The following RNF150 variants were observed in gnomAD, a reference collection of about 807,000 sequenced individuals.
RNF150 encodes ring finger protein 150.
RNF150 carries 24 observed loss-of-function variants against 39.3 expected under a neutral mutation model. That is an observed-to-expected ratio of 0.61 (90% confidence interval 0.44 to 0.86). The LOEUF (loss-of-function observed/expected upper bound fraction) is 0.86, where lower values mean the gene tolerates loss of function less well. RNF150 is among the 40% of genes least tolerant of loss of function. The pLI is 0.00. For missense variants in RNF150, 502 were observed against 587.8 expected (o/e 0.85, Z 1.51); for synonymous variants, 255 against 227.3 (o/e 1.12, Z -1.10).
intron 5 of RNF150, among the ~76,000 whole-genome samples, chr4:140,919,467 T>A (rs1731007184): frequency 6.8e-6 from 1 of 146,732 alleles, no homozygotes; most frequent in Admixed American, 6.9e-5. Flanking sequence ...TACCTAGGAA[T>A]CCAACTTACA....
chr4:141,023,224 A>AGATGAT (rs34239783), intron 1 of RNF150, among the ~76,000 whole-genome samples: 59 of 150,490 alleles, frequency 3.9e-4, no homozygotes, highest in Middle Eastern at 3.4e-3. Context: ...GAAACTGGTG[A>AGATGAT]GATGATGATG....
intron 1 of RNF150, among the ~76,000 whole-genome samples, chr4:141,185,015 T>TTC (rs1727979857): frequency 1.3e-5 from 2 of 151,564 alleles, no homozygotes; most frequent in Non-Finnish European, 2.9e-5. Flanking sequence ...CAGGCTCATT[T>TTC]TTTTTTGTTT....
At chr4:140,985,843 A>C (rs1193934289) in intron 1 of RNF150, among the ~76,000 whole-genome samples, 2 of 152,098 alleles carry the variant, frequency 1.3e-5, no homozygotes, top group African/African-American at 4.8e-5. Context: ...CCACCTAAAA[A>C]TTTAAAATTA....
chr4:141,194,577 T>C (rs1018284789), intron 1 of RNF150, among the ~76,000 whole-genome samples: 1 of 151,298 alleles, frequency 6.6e-6, no homozygotes, highest in African/African-American at 2.5e-5. Flanking sequence ...TACTGCCTAT[T>C]ACAGTGTTAC....
upstream of RNF150, among the ~76,000 whole-genome samples, chr4:141,134,807 A>C (rs189734312): frequency 2.4e-3 from 363 of 152,302 alleles, 1 homozygote; most frequent in African/African-American, 8.2e-3. Context: ...TGGTTCCTGA[A>C]CCACCAGAGA....
intron 6 of RNF150, among the ~76,000 whole-genome samples, chr4:140,902,494 G>T (rs534578035): frequency 2.0e-4 from 30 of 152,322 alleles, no homozygotes; most frequent in African/African-American, 7.0e-4. Flanking sequence ...TGCAGGGGAT[G>T]TTAAAGCAAA....
chr4:140,957,054 T>C (rs1329798345), intron 2 of RNF150, among the ~76,000 whole-genome samples: 1 of 148,332 alleles, frequency 6.7e-6, no homozygotes, highest in Non-Finnish European at 1.5e-5. Flanking sequence ...AATTGACAAA[T>C]GGGATCTAAT....
At chr4:141,189,348 T>G (rs114926058) in intron 1 of RNF150, among the ~76,000 whole-genome samples, 1,899 of 152,130 alleles carry the variant, frequency 0.012, 48 homozygotes, top group African/African-American at 0.042. Context: ...CTGCTGGGAG[T>G]TATCTCCCAG....
chr4:141,132,834 GC>G lies in RNF150; in HGVS notation c.-27del, dbSNP rs763084510. ...CTTTATCCGCCGGGGCCCCCTCCCC[GC>G]CCCCGCGCCCTCCCTCCGTCCCGTC... On this transcript the variant is annotated 5_prime_UTR_variant, in exon 1 of 7. Coordinates refer to ENST00000515673, the MANE Select transcript of RNF150 (RefSeq NM_020724.2). The surrounding 1 kb of genome is among the most constrained non-coding windows in gnomAD (Gnocchi z 4.9). 1.3e-6 allele frequency: 2 copies of G among 1,541,942 alleles called. No homozygotes were observed. Among genetic ancestry groups the G allele is most frequent in the Non-Finnish European group, 1.8e-6 (2 of 1,122,826 alleles).
rs747466915 is a variant in RNF150, at chr4:140,896,693, A to AAC, written c.1198+14450_1198+14451insGT. ...CCTAAAACTTAGAGTATAATAAAAA[A>AAC]AAAAAAACAAAAAAACAAACAAACA... On this transcript the variant is annotated intron_variant, in intron 6 of 6. Coordinates refer to ENST00000515673, the MANE Select transcript of RNF150 (RefSeq NM_020724.2). Among the ~76,000 whole-genome samples the AAC allele has an allele frequency of 2.1e-4, 19 of 88,962 alleles. 1 individual carries two copies. The highest frequency in any genetic ancestry group is 4.1e-4 in the South Asian group (1 of 2,438). The allele number at this position is 88,962 out of a possible 152,430, so 58.4% of individuals were successfully genotyped here. A position where few individuals can be genotyped will look rare whatever the true frequency, so the allele number is the denominator to read the frequency against.
chr4:141,113,975 C>A (rs1266629410), intron 1 of RNF150, among the ~76,000 whole-genome samples: 6 of 152,074 alleles, frequency 3.9e-5, no homozygotes, highest in Non-Finnish European at 8.8e-5. Context: ...AACAAAAACA[C>A]AAGTATCAGA....
intron 5 of RNF150, 83 bp from the exon 6 acceptor site, chr4:140,911,437 CATG>C: frequency 8.4e-7 from 1 of 1,193,676 alleles, no homozygotes; most frequent in Non-Finnish European, 1.2e-6. Context: ...ATTCTGTCTC[CATG>C]AAAAAATTAA....
intron 1 of RNF150, among the ~76,000 whole-genome samples, chr4:141,062,227 A>T (rs1356571112): frequency 6.6e-6 from 1 of 151,872 alleles, no homozygotes; most frequent in East Asian, 1.9e-4. Context: ...TGAAATTATT[A>T]CTCTTCCTTC....
chr4:141,015,165 C>G (rs527414774), intron 1 of RNF150, among the ~76,000 whole-genome samples: 1 of 152,216 alleles, frequency 6.6e-6, no homozygotes, highest in East Asian at 1.9e-4. Flanking sequence ...TCTATCCTCT[C>G]CTATTGATTG....
intron 1 of RNF150, among the ~76,000 whole-genome samples, chr4:141,078,811 ATATATAT>A (rs1738026478): frequency 1.5e-5 from 1 of 68,878 alleles, no homozygotes; most frequent in African/African-American, 5.6e-5. Context: ...AAAAAAAAAT[ATATATAT>A]ATATATATAT....
chr4:141,205,916 A>G (rs1728366822), intron 1 of RNF150, among the ~76,000 whole-genome samples: 1 of 152,184 alleles, frequency 6.6e-6, no homozygotes, highest in Non-Finnish European at 1.5e-5. Context: ...TGATTGCTTG[A>G]TAAGGGGCAA....
At chr4:141,167,729 T>G (rs186188437) in intron 1 of RNF150, among the ~76,000 whole-genome samples, 386 of 152,332 alleles carry the variant, frequency 2.5e-3, no homozygotes, top group Non-Finnish European at 3.8e-3. Flanking sequence ...TTGGGAAAAC[T>G]GGCTAGCCAT....
At chr4:141,047,710 C>T (rs1560708439) in intron 1 of RNF150, among the ~76,000 whole-genome samples, 1 of 152,110 alleles carries the variant, frequency 6.6e-6, no homozygotes, top group Admixed American at 6.6e-5. Context: ...AAGTCAAAGG[C>T]AACTAAGGCT....
intron 1 of RNF150, among the ~76,000 whole-genome samples, chr4:141,023,579 T>C (rs779433498): frequency 6.6e-6 from 1 of 152,176 alleles, no homozygotes; most frequent in Non-Finnish European, 1.5e-5. Flanking sequence ...TATCTTATTT[T>C]ACCTAATATA....
Sources: gnomAD v4.1 joint callset for allele counts (sites outside exome capture counted in the v4.1 genomes callset) on GRCh38, gnomAD v4.1.1 for gene constraint, Gnocchi (gnomAD v3.1) non-coding constraint, MANE v1.5 for transcripts, NCBI Gene and HGNC (gene_info 2026-07-23, HGNC 2026-07-21) for gene names.